The following DGKH variants were observed in gnomAD, a reference collection of about 807,000 sequenced individuals.
The protein encoded by DGKH is DAG kinase eta.
Under a neutral mutation model 159.3 loss-of-function variants are expected in DGKH, and 90 were observed. That is an observed-to-expected ratio of 0.57 (90% confidence interval 0.48 to 0.67). The LOEUF is 0.67. Ranked by LOEUF, DGKH falls within the 30% of genes least tolerant of loss-of-function variation. DGKH has a pLI of 0.00. For synonymous variants in DGKH, 536 were observed against 553.8 expected (o/e 0.97, Z 0.45); for missense variants, 1,181 against 1,506.1 (o/e 0.78, Z 3.57).
chr13:42,109,734 G>GACCATTTCTTGGTTCCATGCTA (rs1419710753), intron 1 of DGKH, among the ~76,000 whole-genome samples: 3 of 152,014 alleles, frequency 2.0e-5, no homozygotes, highest in Admixed American at 2.0e-4. Flanking sequence ...CTTCATCTCT[G>GACCATTTCTTGGTTCCATGCTA]ACCATTTCTT....
intron 29 of DGKH, among the ~76,000 whole-genome samples, chr13:42,251,023 GT>G (rs1422925273): frequency 6.6e-6 from 1 of 152,054 alleles, no homozygotes; most frequent in Non-Finnish European, 1.5e-5. Context: ...GTAAAATTTG[GT>G]CTCTATTTTC....
At chr13:42,219,908 C>G in intron 28 of DGKH, 114 bp downstream of exon 28, 4 of 850,378 alleles carry the variant, frequency 4.7e-6, no homozygotes, top group Non-Finnish European at 7.5e-6. Flanking sequence ...GAGCATTGTG[C>G]AGTATGATGA....
Position 42,229,138 on chromosome 13 carries a change from C to CA in DGKH, c.3613_3614insA (p.Leu1205HisfsTer5). The CA allele has an allele frequency of 6.2e-7, 1 of 1,611,540 alleles. No homozygotes were observed. The highest frequency in any genetic ancestry group is 1.3e-5 in the African/African-American group (1 of 74,746). ...GAAAGTGGGTCATGTGAAGCGAATT[C>CA]TCCAGGGAATTAAAGAGCTTGGAAG... On this transcript the variant is annotated frameshift_variant, in exon 30 of 30. Coordinates refer to ENST00000337343, the MANE Select transcript of DGKH (RefSeq NM_178009.5). LOFTEE classifies it high-confidence loss of function.
chr13:42,100,164 C>T (rs1009064447), intron 1 of DGKH, among the ~76,000 whole-genome samples: 82 of 152,284 alleles, frequency 5.4e-4, no homozygotes, highest in African/African-American at 1.8e-3. Flanking sequence ...GTCAGATCTG[C>T]AGCGGCATTA....
chr13:42,186,800 C>CT (rs1372858716), intron 13 of DGKH, among the ~76,000 whole-genome samples: 1 of 152,102 alleles, frequency 6.6e-6, no homozygotes, highest in Non-Finnish European at 1.5e-5. Flanking sequence ...TTGAGGAAAG[C>CT]TTCTTATAAC....
intron 1 of DGKH, among the ~76,000 whole-genome samples, chr13:42,063,661 C>T (rs9562371): frequency 0.43 from 64,590 of 151,866 alleles, 15,444 homozygotes; most frequent in Admixed American, 0.63. Context: ...GTGGGCTGGC[C>T]GGATGTGGTG....
At chr13:42,124,857 A>G (rs1376519433) in intron 1 of DGKH, among the ~76,000 whole-genome samples, 2 of 152,226 alleles carry the variant, frequency 1.3e-5, no homozygotes, top group African/African-American at 4.8e-5. Context: ...CTCCAGGAGC[A>G]CTTTTAGCTG....
Position 42,071,158 on chromosome 13 carries a change from C to G in DGKH, c.192+22193C>G. On this transcript the variant is annotated intron_variant, in intron 1 of 29. Transcript: ENST00000337343. ...GAACTTGTGTAAACAAGGAAGAAAACTGGCATCAAAAGGAAAGATCTTTCA... is the reference window on the plus strand; with the variant it reads ...GAACTTGTGTAAACAAGGAAGAAAAGTGGCATCAAAAGGAAAGATCTTTCA... The G allele has an allele frequency of 1.2e-5, 7 of 584,290 alleles. 1 individual carries two copies. In the South Asian group the frequency reaches 1.9e-4, roughly 15 times the overall value. The allele number at this position is 584,290 out of a possible 1,614,324, so 36.2% of individuals were successfully genotyped here. A position where few individuals can be genotyped will look rare whatever the true frequency, so the allele number is the denominator to read the frequency against.
chr13:42,145,072 A>T (rs942582947), intron 3 of DGKH, among the ~76,000 whole-genome samples: 9 of 152,210 alleles, frequency 5.9e-5, no homozygotes, highest in African/African-American at 2.2e-4. Context: ...TTTGCATTTT[A>T]TTCTTACGTA....
At chr13:42,098,627 T>G (rs1023257734) in intron 1 of DGKH, among the ~76,000 whole-genome samples, 1 of 152,228 alleles carries the variant, frequency 6.6e-6, no homozygotes, top group African/African-American at 2.4e-5. Context: ...AAGTTTTTAT[T>G]TTCTTTATGT....
At chr13:42,050,093 G>A (rs550418369) in intron 1 of DGKH, among the ~76,000 whole-genome samples, 1 of 152,192 alleles carries the variant, frequency 6.6e-6, no homozygotes, top group South Asian at 2.1e-4. Context: ...TGTGGAGGCC[G>A]GTAACGGTGG....
chr13:42,224,120 G>A (rs1168925426), intron 29 of DGKH, among the ~76,000 whole-genome samples: 1 of 152,066 alleles, frequency 6.6e-6, no homozygotes, highest in South Asian at 2.1e-4. Flanking sequence ...ATATTCCAAT[G>A]TATATATGTG....
chr13:42,207,109 CTT>C (rs1957514361), intron 21 of DGKH, among the ~76,000 whole-genome samples: 1 of 127,208 alleles, frequency 7.9e-6, no homozygotes, highest in Non-Finnish European at 1.7e-5. Context: ...TTCTTTCTTT[CTT>C]TCTCTTTCTC....
intron 1 of DGKH, among the ~76,000 whole-genome samples, chr13:42,063,799 C>T (rs115593689): frequency 0.068 from 10,279 of 151,988 alleles, 1,093 homozygotes; most frequent in African/African-American, 0.23. Flanking sequence ...ATTAGCCGGG[C>T]TTGTTGGCGC....
intron 21 of DGKH, among the ~76,000 whole-genome samples, chr13:42,206,407 G>A (rs1027153563): frequency 6.6e-6 from 1 of 152,194 alleles, no homozygotes; most frequent in Non-Finnish European, 1.5e-5. Flanking sequence ...ACATTAAATA[G>A]TGGGTCTGCT....
rs1954993155 is a variant in DGKH, at chr13:42,117,906, C to T, written c.193-9557C>T. On this transcript the variant is annotated intron_variant, in intron 1 of 29. Transcript: ENST00000337343. ...GTGAAAAGAAACAGCCTGAAATCTG[C>T]TGAACCCTGGAAACCATAAAGGCAT... 1.3e-5 allele frequency among the ~76,000 whole-genome samples: 2 copies of T among 152,098 alleles called. 1 individual carries two copies. Among genetic ancestry groups the T allele is most frequent in the South Asian group, 4.1e-4 (2 of 4,826 alleles).
chr13:42,072,839 C>G (rs1883058854), intron 1 of DGKH, among the ~76,000 whole-genome samples: 1 of 152,194 alleles, frequency 6.6e-6, no homozygotes. Flanking sequence ...TGATGCTATC[C>G]AGCATTGCAG....
rs925302675 is a variant in DGKH, at chr13:42,217,283, G to A, written c.3213+1616G>A. On this transcript the variant is annotated intron_variant, in intron 26 of 29. Transcript: ENST00000337343. ...TCTCCTTTTTTTTTGAGACAGGGAC[G>A]CACTCTGTCGCAGTAGCGTGATCTC... Among the ~76,000 whole-genome samples the A allele has an allele frequency of 1.1e-4, 17 of 152,122 alleles. No individual in the cohort carries two copies. The East Asian group carries it at 1.9e-3, about 17-fold the overall frequency.
At chr13:42,227,686 GTTAAATAT>G (rs1407394138) in intron 29 of DGKH, among the ~76,000 whole-genome samples, 1 of 152,188 alleles carries the variant, frequency 6.6e-6, no homozygotes, top group East Asian at 1.9e-4. Flanking sequence ...TTCTGAGTCA[GTTAAATAT>G]TTATGAAATA....
Sources: allele counts gnomAD v4.1 joint callset (sites outside exome capture counted in the v4.1 genomes callset), GRCh38; gene constraint gnomAD v4.1.1; transcripts MANE v1.5; gene names NCBI Gene and HGNC (gene_info 2026-07-23, HGNC 2026-07-21).